Variants in FAM174A observed in about 807,000 individuals in gnomAD.
FAM174A encodes the protein membrane protein FAM174A.
In FAM174A, 14 loss-of-function variants were observed where a neutral mutation model predicts 14.3. The observed-to-expected ratio is 0.98, with a 90% CI of 0.65 to 1.53. FAM174A has a LOEUF of 1.53. Ranked by LOEUF, FAM174A falls within the 40% of genes most tolerant of loss-of-function variation. FAM174A has a pLI of 0.00. For synonymous variants in FAM174A, 108 were observed against 111.4 expected (o/e 0.97, Z 0.19); for missense variants, 241 against 249.6 (o/e 0.97, Z 0.23).
At position 100,562,043 on chromosome 5, in the gene FAM174A, C is replaced by G; in HGVS notation, c.435-11C>G. On this transcript the variant is annotated splice_polypyrimidine_tract_variant and intron_variant, in intron 1 of 2. Transcript: ENST00000312637. The stretch of plus-strand genomic sequence containing the variant: ...AATAATTTTTATTCATTAATTTGTT[C>G]TATTTGATAGGATGAGAAGAAGAAA... The G allele has an allele frequency of 3.4e-6, 5 of 1,480,458 alleles. No homozygotes were observed. Among genetic ancestry groups the G allele is most frequent in the Non-Finnish European group, 3.7e-6 (4 of 1,092,530 alleles). The allele number at this position is 1,480,458 out of a possible 1,614,324, so 91.7% of individuals were successfully genotyped here.
intron 1 of FAM174A, among the ~76,000 whole-genome samples, chr5:100,536,310 A>G (rs999158483): frequency 2.0e-5 from 3 of 152,142 alleles, no homozygotes; most frequent in African/African-American, 4.8e-5. Flanking sequence ...TTTCTAGTCT[A>G]AATTTTTGTA....
At chr5:100,546,069 C>T (rs1746158510) in intron 1 of FAM174A, among the ~76,000 whole-genome samples, 1 of 152,184 alleles carries the variant, frequency 6.6e-6, no homozygotes, top group South Asian at 2.1e-4. Context: ...TACAGTTGAA[C>T]AAACAACTTC....
At chr5:100,538,642 C>A (rs1026692375) in intron 1 of FAM174A, among the ~76,000 whole-genome samples, 1 of 151,994 alleles carries the variant, frequency 6.6e-6, no homozygotes, top group African/African-American at 2.4e-5. Flanking sequence ...ATCCTCAGTG[C>A]TAAACATCAT....
At chr5:100,547,289 T>G (rs2112369807) in intron 1 of FAM174A, among the ~76,000 whole-genome samples, 1 of 152,212 alleles carries the variant, frequency 6.6e-6, no homozygotes. Context: ...CATGACAGAT[T>G]GCATGATATG....
intron 2 of FAM174A, among the ~76,000 whole-genome samples, chr5:100,581,731 C>T (rs1468861253): frequency 6.6e-6 from 1 of 152,020 alleles, no homozygotes; most frequent in Non-Finnish European, 1.5e-5. Context: ...CTACAGTAGC[C>T]CCTGAACAGC....
chr5:100,540,634 A>G (rs967929262), intron 1 of FAM174A, among the ~76,000 whole-genome samples: 1 of 152,040 alleles, frequency 6.6e-6, no homozygotes, highest in Non-Finnish European at 1.5e-5. Flanking sequence ...CACCTAAAAT[A>G]TTTTAAAGTG....
At position 100,535,740 on chromosome 5, in the gene FAM174A, G is replaced by A; in HGVS notation, c.210G>A (p.Leu70=). 1 of 1,604,962 alleles carries A rather than the reference G, an allele frequency of 6.2e-7. No individual in the cohort carries two copies. ...PTPAQQPGRG[L]AEAAGPRGSE... ...CTGCCCAGCAGCCGGGCCGTGGTCTGGCTGAAGCTGCGGGGCCGCGGGGCT... is the reference window on the plus strand; with the variant it reads ...CTGCCCAGCAGCCGGGCCGTGGTCTAGCTGAAGCTGCGGGGCCGCGGGGCT... Residue 70 remains leucine, a synonymous_variant, in exon 1 of 3, where the codon CTG becomes CTA. Transcript: ENST00000312637.
At chr5:100,556,953 G>T (rs1457674465) in intron 1 of FAM174A, among the ~76,000 whole-genome samples, 2 of 152,086 alleles carry the variant, frequency 1.3e-5, no homozygotes, top group African/African-American at 4.8e-5. Flanking sequence ...CTGCCTGATT[G>T]CCCTGACCAG....
intron 1 of FAM174A, among the ~76,000 whole-genome samples, chr5:100,536,561 A>G (rs1453421926): frequency 6.6e-6 from 1 of 152,158 alleles, no homozygotes. Context: ...TTGCCCTTTA[A>G]TCTGCCACCT....
At chr5:100,554,381 A>T (rs575979449) in intron 1 of FAM174A, among the ~76,000 whole-genome samples, 78 of 129,434 alleles carry the variant, frequency 6.0e-4, no homozygotes, top group African/African-American at 2.1e-3. Flanking sequence ...CAGTGGCTTC[A>T]TCTCAGCTCA....
intron 1 of FAM174A, among the ~76,000 whole-genome samples, chr5:100,541,391 A>G (rs955401241): frequency 1.2e-4 from 18 of 152,250 alleles, no homozygotes; most frequent in East Asian, 3.9e-4. Flanking sequence ...AGAAGACTAA[A>G]TATTTATCTC....
At chr5:100,559,503 T>TGG (rs1200745551) in intron 1 of FAM174A, among the ~76,000 whole-genome samples, 1 of 151,490 alleles carries the variant, frequency 6.6e-6, no homozygotes, top group East Asian at 1.9e-4. Flanking sequence ...AGAACTTCCC[T>TGG]ATCCAGGGAA....
chr5:100,573,356 G>C (rs897561610), intron 2 of FAM174A, among the ~76,000 whole-genome samples: 3 of 150,888 alleles, frequency 2.0e-5, no homozygotes, highest in African/African-American at 7.4e-5. Flanking sequence ...GTAATGCCCA[G>C]GTTTTCTTCT....
At chr5:100,556,524 A>G (rs1341824727) in intron 1 of FAM174A, among the ~76,000 whole-genome samples, 1 of 152,150 alleles carries the variant, frequency 6.6e-6, no homozygotes, top group Non-Finnish European at 1.5e-5. Flanking sequence ...TCTATAAATT[A>G]CCTTAGGCAG....
intron 1 of FAM174A, among the ~76,000 whole-genome samples, chr5:100,559,030 C>A (rs1163142674): frequency 2.6e-5 from 4 of 152,030 alleles, no homozygotes; most frequent in African/African-American, 9.7e-5. Context: ...TTCTTCCTAG[C>A]CTCGAGGGTC....
At chr5:100,555,658 T>C (rs1746362084) in intron 1 of FAM174A, among the ~76,000 whole-genome samples, 1 of 152,220 alleles carries the variant, frequency 6.6e-6, no homozygotes, top group African/African-American at 2.4e-5. Context: ...GTGGTTTTGA[T>C]TTGCATTTCT....
intron 2 of FAM174A, among the ~76,000 whole-genome samples, chr5:100,565,880 A>G (rs1441606229): frequency 6.6e-6 from 1 of 151,626 alleles, no homozygotes; most frequent in Non-Finnish European, 1.5e-5. Flanking sequence ...CAGTAGGCAA[A>G]GGAGGAGCAA....
chr5:100,571,593 T>A (rs2082018845), intron 2 of FAM174A, among the ~76,000 whole-genome samples: 1 of 147,358 alleles, frequency 6.8e-6, no homozygotes, highest in South Asian at 2.1e-4. Context: ...AAATATTTAT[T>A]TAAATTTATA....
At chr5:100,577,267 T>C (rs1746922283) in intron 2 of FAM174A, among the ~76,000 whole-genome samples, 1 of 152,114 alleles carries the variant, frequency 6.6e-6, no homozygotes, top group Non-Finnish European at 1.5e-5. Flanking sequence ...TATAATGATA[T>C]AAACTAGAGG....
Sources: gnomAD v4.1 joint callset for allele counts (sites outside exome capture counted in the v4.1 genomes callset) on GRCh38, gnomAD v4.1.1 for gene constraint, MANE v1.5 for transcripts, NCBI Gene and HGNC (gene_info 2026-07-23, HGNC 2026-07-21) for gene names.